Variants in NR5A2 observed in about 807,000 individuals in gnomAD.
NR5A2 encodes nuclear receptor subfamily 5 group A member 2.
Under a neutral mutation model 62.7 loss-of-function variants are expected in NR5A2, and 26 were observed. That is an observed-to-expected ratio of 0.41 (90% CI 0.30 to 0.58). The LOEUF (loss-of-function observed/expected upper bound fraction) is 0.58, where lower values mean the gene tolerates loss of function less well. Among genes scored for constraint, NR5A2 ranks in the 20% least tolerant of loss-of-function variants. The pLI is 0.22. For missense variants in NR5A2, 541 were observed against 669.1 expected (o/e 0.81, Z 2.11); for synonymous variants, 246 against 241.7 (o/e 1.02, Z -0.16).
At chr1:200,132,506 G>A (rs892270636) in intron 7 of NR5A2, among the ~76,000 whole-genome samples, 5 of 152,092 alleles carry the variant, frequency 3.3e-5, no homozygotes, top group Non-Finnish European at 5.9e-5. Context: ...ACTAATGCAC[G>A]TTCCACACAC....
At chr1:200,173,895 T>C in intron 7 of NR5A2, 68 bp from the exon 8 acceptor site, 1 of 1,366,882 alleles carries the variant, frequency 7.3e-7, no homozygotes, top group Non-Finnish European at 9.6e-7. Flanking sequence ...ATTGAACACA[T>C]TGCTTTAGTA....
At chr1:200,096,237 G>A (rs1160863694) in intron 5 of NR5A2, among the ~76,000 whole-genome samples, 2 of 152,162 alleles carry the variant, frequency 1.3e-5, no homozygotes, top group South Asian at 2.1e-4. Flanking sequence ...ACAGGTGTGC[G>A]CCACCATGCC....
intron 7 of NR5A2, among the ~76,000 whole-genome samples, chr1:200,168,016 C>G (rs974892990): frequency 2.0e-5 from 3 of 152,062 alleles, no homozygotes; most frequent in Admixed American, 6.6e-5. Context: ...ATCTCCAACA[C>G]CCAGACCAGA....
chr1:200,073,236 AT>A (rs1663823035), intron 5 of NR5A2, among the ~76,000 whole-genome samples: 1 of 23,478 alleles, frequency 4.3e-5, no homozygotes. Flanking sequence ...ATTTACATAC[AT>A]ATATATATAT....
At position 200,127,149 on chromosome 1, in the gene NR5A2, G is replaced by A. The variant is rs75880930; in HGVS notation, c.1378+6194G>A. On this transcript the variant is annotated intron_variant, in intron 7 of 7. Coordinates refer to ENST00000367362, the MANE Select transcript of NR5A2 (RefSeq NM_205860.3). The stretch of plus-strand genomic sequence containing the variant: ...TCCAACATTTTAGGTTCAGATCCAG[G>A]TCTAGAACTAATAACCCCAAATGAC... Among the ~76,000 whole-genome samples the A allele has an allele frequency of 1.9e-3, 287 of 152,174 alleles. 5 individuals are homozygous for A. In the East Asian group the frequency reaches 0.049, roughly 26 times the overall value.
chr1:200,083,633 A>G (rs2247202), intron 5 of NR5A2, among the ~76,000 whole-genome samples: 62,977 of 137,484 alleles, frequency 0.46, 13,099 homozygotes, highest in African/African-American at 0.5. Flanking sequence ...GTATATATAT[A>G]TACAGTATTG....
chr1:200,110,326 A>G (rs1665882784), intron 5 of NR5A2, among the ~76,000 whole-genome samples: 1 of 152,260 alleles, frequency 6.6e-6, no homozygotes. Context: ...GTAAACTGAT[A>G]CAAATAGCTA....
intron 5 of NR5A2, among the ~76,000 whole-genome samples, chr1:200,050,641 A>G (rs1004567382): frequency 1.3e-5 from 2 of 152,244 alleles, no homozygotes; most frequent in African/African-American, 4.8e-5. Context: ...CTGTAATCCC[A>G]GCACTTTGGG....
chr1:200,060,026 G>C (rs1395733835), intron 5 of NR5A2, among the ~76,000 whole-genome samples: 1 of 152,130 alleles, frequency 6.6e-6, no homozygotes, highest in East Asian at 1.9e-4. Flanking sequence ...CTACACCTGT[G>C]TCCTCTCCAT....
chr1:200,060,723 T>C (rs1343517843), intron 5 of NR5A2, among the ~76,000 whole-genome samples: 1 of 152,148 alleles, frequency 6.6e-6, no homozygotes, highest in Non-Finnish European at 1.5e-5. Context: ...AATTTTCACA[T>C]GCTACGTTCT....
In NR5A2 at chr1:200,134,971, G is replaced by A. The variant is rs111573957; in HGVS notation, c.1378+14016G>A. Among the ~76,000 whole-genome samples, 83 of 152,258 alleles carry A rather than the reference G, an allele frequency of 5.5e-4. 2 individuals are homozygous for A. Among genetic ancestry groups the A allele is most frequent in the African/African-American group, 1.9e-3 (80 of 41,546 alleles). ...CACCCACTGCTCAGCCCCTGCAGCC[G>A]TCATTCTGTTTTCTGTGGAGAACAT... is the stretch of plus-strand genomic sequence containing the variant. On this transcript the variant is annotated intron_variant, in intron 7 of 7. Transcript: ENST00000367362.
rs1661981825 is a variant in NR5A2 at position 200,039,857 on chromosome 1, C to T, written c.202+62C>T. ...CTTCCCCACCCCCGGGCTCGCCCTG[C>T]AGGCTTCAGCCTCCCGCCCCGCGCG... On this transcript the variant is annotated intron_variant, in intron 2 of 7. Coordinates refer to ENST00000367362, the MANE Select transcript of NR5A2 (RefSeq NM_205860.3). The surrounding 1 kb of genome is among the most constrained non-coding windows in gnomAD (Gnocchi z 5.1). The T allele has an allele frequency of 2.0e-6, 3 of 1,522,210 alleles. No individual in the cohort carries two copies. The South Asian group carries it at 3.7e-5, about 19-fold the overall frequency. 94.3% of individuals were successfully genotyped at this position (1,522,210 alleles called of 1,614,324 possible). A position where few individuals can be genotyped will look rare whatever the true frequency, so the allele number is the denominator to read the frequency against.
At chr1:200,056,316 A>G (rs773513840) in intron 5 of NR5A2, among the ~76,000 whole-genome samples, 1 of 152,110 alleles carries the variant, frequency 6.6e-6, no homozygotes, top group Non-Finnish European at 1.5e-5. Flanking sequence ...GGGGATGTGT[A>G]TTGTTCTTTA....
chr1:200,028,151 T>C (rs1372900805), intron 1 of NR5A2, among the ~76,000 whole-genome samples: 1 of 152,184 alleles, frequency 6.6e-6, no homozygotes, highest in Non-Finnish European at 1.5e-5. Context: ...GGTGTCATTC[T>C]AATACCCTAA....
intron 5 of NR5A2, among the ~76,000 whole-genome samples, chr1:200,054,823 A>G (rs1398604164): frequency 8.5e-5 from 13 of 152,074 alleles, no homozygotes; most frequent in Admixed American, 6.6e-4. Context: ...ACCTTTCCCA[A>G]TGCAGGCCTA....
At chr1:200,071,294 A>G (rs1351637912) in intron 5 of NR5A2, among the ~76,000 whole-genome samples, 1 of 152,180 alleles carries the variant, frequency 6.6e-6, no homozygotes, top group Non-Finnish European at 1.5e-5. Context: ...TCACCTTAGG[A>G]GGTAGAGAAA....
chr1:200,162,109 A>G (rs1653670829), intron 7 of NR5A2, among the ~76,000 whole-genome samples: 2 of 152,252 alleles, frequency 1.3e-5, no homozygotes, highest in Admixed American at 6.5e-5. Flanking sequence ...CTCTTATTCG[A>G]CAAATGTGAA....
At chr1:200,172,769 C>A in intron 7 of NR5A2, among the ~76,000 whole-genome samples, 1 of 152,180 alleles carries the variant, frequency 6.6e-6, no homozygotes, top group East Asian at 1.9e-4. Context: ...ATGCCCAAAA[C>A]AGTATATAGT....
At chr1:200,047,717 C>T (rs1010715059) in intron 4 of NR5A2, among the ~76,000 whole-genome samples, 2 of 152,044 alleles carry the variant, frequency 1.3e-5, no homozygotes, top group Non-Finnish European at 2.9e-5. Context: ...GCTGGGATTA[C>T]AGGCACCCAC....
Sources: gnomAD v4.1 joint callset for allele counts (sites outside exome capture counted in the v4.1 genomes callset) on GRCh38, gnomAD v4.1.1 for gene constraint, Gnocchi (gnomAD v3.1) non-coding constraint, MANE v1.5 for transcripts, NCBI Gene and HGNC (gene_info 2026-07-23, HGNC 2026-07-21) for gene names.